The following GRID1 variants were observed in gnomAD, a reference collection of about 807,000 sequenced individuals.
GRID1 encodes glutamate receptor ionotropic, delta-1.
GRID1 carries 28 observed loss-of-function variants against 98.0 expected under a neutral mutation model. That is an observed-to-expected ratio of 0.29 (90% CI 0.21 to 0.39). The LOEUF is 0.39. Among genes scored for constraint, GRID1 ranks in the 10% least tolerant of loss-of-function variants. The pLI is 1.00. For synonymous variants in GRID1, 553 were observed against 538.5 expected (o/e 1.03, Z -0.37); for missense variants, 1,111 against 1,340.5 (o/e 0.83, Z 2.67).
intron 4 of GRID1, among the ~76,000 whole-genome samples, chr10:85,978,142 T>G (rs2131859411): frequency 6.6e-6 from 1 of 152,298 alleles, no homozygotes; most frequent in African/African-American, 2.4e-5. Flanking sequence ...CAGTGGACAT[T>G]TTTCCAGTCC....
intron 12 of GRID1, among the ~76,000 whole-genome samples, chr10:85,721,873 C>T (rs1841706609): frequency 1.3e-5 from 2 of 152,038 alleles, no homozygotes; most frequent in African/African-American, 4.8e-5. Flanking sequence ...GAGATGAGTA[C>T]AAGAGGGGAA....
intron 4 of GRID1, among the ~76,000 whole-genome samples, chr10:85,950,263 G>A (rs1842103594): frequency 6.6e-6 from 1 of 152,194 alleles, no homozygotes; most frequent in Non-Finnish European, 1.5e-5. Context: ...TGCCAACTTA[G>A]AAGCAGTGGA....
At chr10:86,233,877 G>A (rs1367074434) in intron 2 of GRID1, among the ~76,000 whole-genome samples, 1 of 150,342 alleles carries the variant, frequency 6.7e-6, no homozygotes, top group Non-Finnish European at 1.5e-5. Context: ...CTTGTCCCCA[G>A]GTCCCTTGGT....
rs182290908 is a variant in GRID1 at position 86,035,458 on chromosome 10, A to C, written c.726+103361T>G. ...TTGACTATGAAAGCATGGATGGTAG[A>C]GAGTGTGCTGTGCAAGATCCAGCTC... On this transcript the variant is annotated intron_variant, in intron 4 of 15. Coordinates refer to ENST00000327946, the MANE Select transcript of GRID1 (RefSeq NM_017551.3). 4.1e-4 allele frequency among the ~76,000 whole-genome samples: 63 copies of C among 152,328 alleles called. No individual in the cohort carries two copies. The East Asian group carries it at 0.012, about 28-fold the overall frequency.
chr10:85,743,105 G>GCGC (rs774463906), intron 8 of GRID1, among the ~76,000 whole-genome samples: 4 of 82,706 alleles, frequency 4.8e-5, no homozygotes, highest in East Asian at 5.4e-4. Flanking sequence ...GAATTATGCA[G>GCGC]CCCCCCCCCC....
rs531319859 is a variant in GRID1 at position 86,042,098 on chromosome 10, G to A, written c.726+96721C>T. ...CAGCTCCTCAGACAGCCCTCGCCAT[G>A]CAAGGGGGAAACTGGGAGGGTCTCC... is the stretch of plus-strand genomic sequence containing the variant. On this transcript the variant is annotated intron_variant, in intron 4 of 15. Transcript: ENST00000327946. Among the ~76,000 whole-genome samples, 3 of 152,338 alleles carry A rather than the reference G, an allele frequency of 2.0e-5. No homozygotes were observed. In the South Asian group the frequency reaches 6.2e-4, roughly 32 times the overall value.
At chr10:85,808,883 A>C (rs1564596833) in intron 8 of GRID1, among the ~76,000 whole-genome samples, 1 of 152,212 alleles carries the variant, frequency 6.6e-6, no homozygotes, top group Non-Finnish European at 1.5e-5. Context: ...GAGATAAAAT[A>C]GTCAATAGAA....
At chr10:85,728,301 G>A (rs1266925005) in intron 9 of GRID1, among the ~76,000 whole-genome samples, 1 of 152,098 alleles carries the variant, frequency 6.6e-6, no homozygotes, top group Non-Finnish European at 1.5e-5. Context: ...TGTCATCCCA[G>A]GCTCTGCCCC....
chr10:86,291,454 G>A (rs1334750697), intron 2 of GRID1, among the ~76,000 whole-genome samples: 1 of 152,078 alleles, frequency 6.6e-6, no homozygotes, highest in African/African-American at 2.4e-5. Flanking sequence ...CCAACCCCGG[G>A]CAGTACCAGG....
chr10:85,753,908 C>T (rs959996694), intron 8 of GRID1, among the ~76,000 whole-genome samples: 5 of 152,200 alleles, frequency 3.3e-5, no homozygotes, highest in Non-Finnish European at 5.9e-5. Flanking sequence ...GCTTGTATGG[C>T]CCTTCTGGAC....
intron 4 of GRID1, among the ~76,000 whole-genome samples, chr10:85,972,555 T>A (rs1334923304): frequency 6.6e-6 from 1 of 151,420 alleles, no homozygotes; most frequent in Non-Finnish European, 1.5e-5. Context: ...ATACTCATGA[T>A]CATATCAGAA....
chr10:85,908,081 G>A (rs1841486893), intron 5 of GRID1, among the ~76,000 whole-genome samples: 1 of 152,142 alleles, frequency 6.6e-6, no homozygotes, highest in South Asian at 2.1e-4. Flanking sequence ...GATACTTAAT[G>A]ATGAAAAACT....
chr10:85,807,598 AC>A (rs1276841010), intron 8 of GRID1, among the ~76,000 whole-genome samples: 7 of 152,174 alleles, frequency 4.6e-5, no homozygotes, highest in Admixed American at 2.0e-4. Flanking sequence ...CTGGAAAAAA[AC>A]ATATGTTAAA....
chr10:85,801,033 TAAAG>T (rs1480866371), intron 8 of GRID1, among the ~76,000 whole-genome samples: 4 of 151,802 alleles, frequency 2.6e-5, no homozygotes, highest in South Asian at 2.1e-4. Flanking sequence ...GAGAGAGAAA[TAAAG>T]AGTGACAACA....
At chr10:85,835,077 T>C (rs1487886331) in intron 8 of GRID1, among the ~76,000 whole-genome samples, 2 of 151,902 alleles carry the variant, frequency 1.3e-5, no homozygotes, top group African/African-American at 4.8e-5. Flanking sequence ...TCAACAGAGA[T>C]AAAGAGGGAC....
intron 8 of GRID1, among the ~76,000 whole-genome samples, chr10:85,767,117 G>A (rs1033956208): frequency 6.6e-6 from 1 of 152,184 alleles, no homozygotes; most frequent in Non-Finnish European, 1.5e-5. Context: ...GTTATTCCCA[G>A]AACTCGAGAT....
intron 2 of GRID1, among the ~76,000 whole-genome samples, chr10:86,321,925 C>A (rs181294956): frequency 1.8e-4 from 28 of 152,206 alleles, no homozygotes; most frequent in Admixed American, 1.7e-3. Flanking sequence ...AACCCAGAAT[C>A]ACCCACCTTA....
rs201626160 is a variant in GRID1 at position 85,798,537 on chromosome 10, G to GT, written c.1233+55958dup. Among the ~76,000 whole-genome samples, 237 of 151,854 alleles carry GT rather than the reference G, an allele frequency of 1.6e-3. 2 individuals are homozygous for GT. Among genetic ancestry groups the GT allele is most frequent in the East Asian group, 7.0e-3 (36 of 5,170 alleles). On this transcript the variant is annotated intron_variant, in intron 8 of 15. Transcript: ENST00000327946. ...ACTCATCCTCACCAGCATTTGTTAT[G>GT]TTTTTTTTGTAATAGCCATTCTAAC...
chr10:86,019,807 G>T (rs1382446486), intron 4 of GRID1, among the ~76,000 whole-genome samples: 1 of 152,236 alleles, frequency 6.6e-6, no homozygotes, highest in Non-Finnish European at 1.5e-5. Context: ...TTTGGCCAAG[G>T]CCACGAGGCA....
Sources: gnomAD v4.1 joint callset for allele counts (sites outside exome capture counted in the v4.1 genomes callset) on GRCh38, gnomAD v4.1.1 for gene constraint, MANE v1.5 for transcripts, NCBI Gene and HGNC (gene_info 2026-07-23, HGNC 2026-07-21) for gene names.